The following PTPN13 variants were observed in gnomAD, a reference collection of about 807,000 sequenced individuals.
The protein encoded by PTPN13 is protein tyrosine phosphatase non-receptor type 13, also known as tyrosine-protein phosphatase non-receptor type 13.
In PTPN13, 191 loss-of-function variants were observed where a neutral mutation model predicts 284.0. The ratio of observed to expected loss-of-function variants is 0.67; its 90% CI spans 0.60 to 0.76. The LOEUF (loss-of-function observed/expected upper bound fraction) is 0.76, where lower values mean the gene tolerates loss of function less well. Ranked by LOEUF, PTPN13 falls within the 30% of genes least tolerant of loss-of-function variation. The pLI, the probability that PTPN13 is intolerant of heterozygous loss-of-function variation, is 0.00. For missense variants in PTPN13, 2,797 were observed against 2,939.9 expected, an observed-to-expected ratio of 0.95 and a Z score of 1.12; for synonymous variants, 986 against 1,022.3, an observed-to-expected ratio of 0.96 and a Z score of 0.68.
intron 40 of PTPN13, among the ~76,000 whole-genome samples, chr4:86,794,574 G>C (rs1743095819): frequency 6.6e-6 from 1 of 152,130 alleles, no homozygotes; most frequent in Non-Finnish European, 1.5e-5. Context: ...AACCCAAAAA[G>C]AGTCCACATA....
At chr4:86,772,090 A>G (rs1740059850) in intron 31 of PTPN13, among the ~76,000 whole-genome samples, 1 of 152,208 alleles carries the variant, frequency 6.6e-6, no homozygotes, top group Non-Finnish European at 1.5e-5. Flanking sequence ...TTTTATCCAA[A>G]ATAACCACAG....
At chr4:86,631,502 G>C (rs1002238552) in intron 1 of PTPN13, among the ~76,000 whole-genome samples, 1 of 152,008 alleles carries the variant, frequency 6.6e-6, no homozygotes, top group African/African-American at 2.4e-5. Flanking sequence ...GAATGAGGCA[G>C]TTTTAAAAAA....
chr4:86,790,975 A>G (rs1346224899), intron 40 of PTPN13, among the ~76,000 whole-genome samples: 1 of 152,118 alleles, frequency 6.6e-6, no homozygotes, highest in African/African-American at 2.4e-5. Context: ...TGCCTGGTTC[A>G]TCTCAATGGG....
intron 1 of PTPN13, among the ~76,000 whole-genome samples, chr4:86,630,035 G>A (rs1722297464): frequency 6.6e-6 from 1 of 151,978 alleles, no homozygotes; most frequent in Admixed American, 6.6e-5. Context: ...CAAAGTGCTG[G>A]GATTACAGGC....
intron 26 of PTPN13, 46 bp from the exon 27 acceptor site, chr4:86,766,386 G>A (rs765939430): frequency 7.0e-7 from 1 of 1,429,672 alleles, no homozygotes; most frequent in Non-Finnish European, 9.6e-7. Flanking sequence ...AGATTTAAAA[G>A]AACATGTAGG....
chr4:86,637,262 T>C (rs1205105441), intron 2 of PTPN13, among the ~76,000 whole-genome samples: 1 of 151,822 alleles, frequency 6.6e-6, no homozygotes, highest in Admixed American at 6.6e-5. Flanking sequence ...AAGGAGGAAC[T>C]GGTACCATTC....
At chr4:86,712,011 A>C (rs1222369973) in intron 7 of PTPN13, among the ~76,000 whole-genome samples, 1 of 152,260 alleles carries the variant, frequency 6.6e-6, no homozygotes, top group East Asian at 1.9e-4. Context: ...TCTAGTTAAA[A>C]TACCAGCCAG....
At chr4:86,641,910 A>T (rs1723837021) in intron 2 of PTPN13, among the ~76,000 whole-genome samples, 1 of 152,170 alleles carries the variant, frequency 6.6e-6, no homozygotes. Flanking sequence ...TTGTGCTTAC[A>T]ATTTTTTTAA....
chr4:86,792,227 G>A (rs1205074295), intron 40 of PTPN13, among the ~76,000 whole-genome samples: 4 of 152,088 alleles, frequency 2.6e-5, no homozygotes, highest in African/African-American at 4.8e-5. Flanking sequence ...AGCTTCAATC[G>A]CCGATTCGAT....
At chr4:86,689,271 A>G (rs751477323) in intron 5 of PTPN13, 81 bp downstream of exon 5, 7 of 1,126,214 alleles carry the variant, frequency 6.2e-6, no homozygotes, top group Non-Finnish European at 8.9e-6. Context: ...AGGATACTAT[A>G]TAGGTAGCAT....
chr4:86,646,313 T>G (rs903314114), intron 2 of PTPN13, among the ~76,000 whole-genome samples: 14 of 150,398 alleles, frequency 9.3e-5, no homozygotes, highest in Admixed American at 9.3e-4. Flanking sequence ...TTTTTTTTTT[T>G]TAAAGACAGA....
At chr4:86,814,076 C>T (rs958605758) in intron 47 of PTPN13, among the ~76,000 whole-genome samples, 6 of 139,694 alleles carry the variant, frequency 4.3e-5, no homozygotes, top group Admixed American at 3.0e-4. Context: ...GGCACAATCT[C>T]GGCTCACTGC....
At position 86,716,615 on chromosome 4, in the gene PTPN13, T is replaced by C; in HGVS notation, c.1281T>C (p.Asp427=). 1 of 1,581,664 alleles carries C rather than the reference T, an allele frequency of 6.3e-7. No homozygotes were observed. The highest frequency in any genetic ancestry group is 8.6e-7 in the Non-Finnish European group (1 of 1,160,738). ...CATCTATTATTTCCTCTGAATCAGA[T>C]TTCAGACAAGGTAGGAGGCATCTGA... ...ESPSIISSES[D]FRQVRRSEAS... Residue 427 remains aspartate, a synonymous_variant, in exon 8 of 48, where the codon GAT becomes GAC. Transcript: ENST00000411767.
At chr4:86,621,563 G>A (rs1240008059) in intron 1 of PTPN13, among the ~76,000 whole-genome samples, 1 of 152,056 alleles carries the variant, frequency 6.6e-6, no homozygotes, top group Non-Finnish European at 1.5e-5. Flanking sequence ...CTGACATGAA[G>A]CTATTTACAG....
At chr4:86,722,954 G>A (rs1366842815) in intron 10 of PTPN13, among the ~76,000 whole-genome samples, 1 of 152,146 alleles carries the variant, frequency 6.6e-6, no homozygotes, top group Non-Finnish European at 1.5e-5. Context: ...CCAAAGACAG[G>A]AAGGACCAAG....
intron 40 of PTPN13, among the ~76,000 whole-genome samples, chr4:86,788,218 T>C (rs1290557982): frequency 6.6e-6 from 1 of 152,184 alleles, no homozygotes; most frequent in Non-Finnish European, 1.5e-5. Context: ...AATTTAAAAT[T>C]TGCAAATATG....
At chr4:86,609,723 AC>A (rs2149190038) in intron 1 of PTPN13, among the ~76,000 whole-genome samples, 1 of 152,180 alleles carries the variant, frequency 6.6e-6, no homozygotes, top group South Asian at 2.1e-4. Context: ...TTTTGTTAGC[AC>A]TTAGATATCA....
At chr4:86,626,081 T>TG (rs1721800984) in intron 1 of PTPN13, among the ~76,000 whole-genome samples, 1 of 152,166 alleles carries the variant, frequency 6.6e-6, no homozygotes, top group Non-Finnish European at 1.5e-5. Context: ...TTCCAGTTGG[T>TG]GAAGAGAAAG....
chr4:86,701,350 T>TA lies in PTPN13; in HGVS notation c.745dup (p.Thr249AsnfsTer4). The TA allele has an allele frequency of 6.2e-7, 1 of 1,612,720 alleles. No individual in the cohort carries two copies. Among genetic ancestry groups the TA allele is most frequent in the Non-Finnish European group, 8.5e-7 (1 of 1,178,948 alleles). ...CTATGGGATTTCTGTCCATCAAAGATACACAAGATGAGAATTATTTCAAGG... is the reference window on the plus strand; with the variant it reads ...CTATGGGATTTCTGTCCATCAAAGATAACACAAGATGAGAATTATTTCAAGG... On this transcript the variant is annotated frameshift_variant, in exon 7 of 48. Transcript: ENST00000411767. LOFTEE classifies it high-confidence loss of function.
Sources: gnomAD v4.1 joint callset for allele counts (sites outside exome capture counted in the v4.1 genomes callset) on GRCh38, gnomAD v4.1.1 for gene constraint, MANE v1.5 for transcripts, NCBI Gene and HGNC (gene_info 2026-07-23, HGNC 2026-07-21) for gene names.